Variants in WRN observed in about 807,000 individuals in gnomAD.
The protein encoded by WRN is WRN RecQ like helicase, also known as bifunctional 3'-5' exonuclease/ATP-dependent helicase WRN.
Under a neutral mutation model 180.7 loss-of-function variants are expected in WRN, and 149 were observed. The observed-to-expected ratio is 0.82, with a 90% CI of 0.72 to 0.94. The LOEUF is 0.94. Ranked by LOEUF, WRN falls within the 40% of genes least tolerant of loss-of-function variation. WRN has a pLI of 0.00. For synonymous variants in WRN, 548 were observed against 568.9 expected (o/e 0.96, Z 0.52); for missense variants, 1,661 against 1,700.1 (o/e 0.98, Z 0.40).
intron 20 of WRN, 70 bp from the exon 21 acceptor site, chr8:31,120,173 A>G (rs566187118): frequency 1.3e-6 from 2 of 1,575,974 alleles, no homozygotes; most frequent in African/African-American, 1.3e-5. Flanking sequence ...TATTCTTACA[A>G]AAAGGTATAA....
At chr8:31,138,431 C>T (rs1353799506) in intron 24 of WRN, among the ~76,000 whole-genome samples, 1 of 151,958 alleles carries the variant, frequency 6.6e-6, no homozygotes, top group African/African-American at 2.4e-5. Context: ...ATATTGTTAA[C>T]CATTTTTTTG....
chr8:31,113,816 T>C (rs1801413633), intron 19 of WRN, among the ~76,000 whole-genome samples: 1 of 147,796 alleles, frequency 6.8e-6, no homozygotes, highest in South Asian at 2.2e-4. Flanking sequence ...TATTATAATT[T>C]CCCCAACAGA....
chr8:31,101,464 A>G (rs1177535862), intron 18 of WRN, among the ~76,000 whole-genome samples: 4 of 152,112 alleles, frequency 2.6e-5, no homozygotes, highest in African/African-American at 9.7e-5. Context: ...TTGGTATTAG[A>G]ATTTCCCTTT....
At chr8:31,059,343 A>G (rs1211590421) in intron 3 of WRN, 78 bp downstream of exon 3, 5 of 1,178,114 alleles carry the variant, frequency 4.2e-6, no homozygotes, top group African/African-American at 1.5e-5. Flanking sequence ...TTGTGAATAT[A>G]CTGAGTTTTA....
rs1179950523 is a variant in WRN, at chr8:31,175,211, C to T, written c.*2109C>T. On this transcript the variant is annotated 3_prime_UTR_variant, in exon 35 of 35. Coordinates refer to ENST00000298139, the MANE Select transcript of WRN (RefSeq NM_000553.6). ...CAGCACTTTGGGAGGCCGAGGCGGG[C>T]GGATCACGAGATCAGGAGATCGAGA... is the stretch of plus-strand genomic sequence containing the variant. 3.3e-5 allele frequency among the ~76,000 whole-genome samples: 5 copies of T among 151,992 alleles called. No homozygotes were observed. Among genetic ancestry groups the T allele is most frequent in the African/African-American group, 9.7e-5 (4 of 41,398 alleles).
rs1060503825 is a variant in WRN at position 31,064,279 on chromosome 8, C to A, written c.210-10C>A. 7.4e-6 allele frequency: 12 copies of A among 1,613,488 alleles called. No individual in the cohort carries two copies. Among genetic ancestry groups the A allele is most frequent in the African/African-American group, 1.3e-5 (1 of 74,892 alleles). ...ACATAAATTAATTTACACTATTTTT[C>A]TCACTTTAGCATGAGTCTATCAGAT... On this transcript the variant is annotated splice_polypyrimidine_tract_variant and intron_variant, in intron 3 of 34. Coordinates refer to ENST00000298139, the MANE Select transcript of WRN (RefSeq NM_000553.6).
intron 30 of WRN, among the ~76,000 whole-genome samples, chr8:31,149,191 A>T (rs1802992056): frequency 6.6e-6 from 1 of 151,866 alleles, no homozygotes; most frequent in Non-Finnish European, 1.5e-5. Context: ...AGGTTAGGAG[A>T]TCGAGGCCAT....
rs61751045 is a variant in WRN, at chr8:31,173,083, G to A, written c.4280G>A (p.Arg1427Lys). The stretch of plus-strand genomic sequence containing the variant: ...AAGAAATTAATGGACAAAACGAAAA[G>A]GGGAGGTCTTTTTAGTTAAGCTGGC... Reference protein sequence around the residue: ...TSKKLMDKTKRGGLFS With the variant: ...TSKKLMDKTKKGGLFS The change falls in exon 35 of 35, where the codon AGG becomes AAG. Residue 1427 changes from arginine (R) to lysine (K), a missense_variant. By Grantham distance (26) the Arg-to-Lys change is conservative (BLOSUM62 2). This residue lies in a region of WRN where 1,141 missense variants were observed against 1,149.4 expected (regional missense o/e 0.99). Transcript: ENST00000298139. 1.2e-6 allele frequency: 2 copies of A among 1,613,944 alleles called. No individual in the cohort carries two copies. The highest frequency in any genetic ancestry group is 2.2e-5 in the East Asian group (1 of 44,838).
chr8:31,095,947 A>G (rs1813949116), intron 16 of WRN, among the ~76,000 whole-genome samples: 1 of 152,206 alleles, frequency 6.6e-6, no homozygotes, highest in African/African-American at 2.4e-5. Context: ...TTGAATCTAG[A>G]TATCGAAACA....
chr8:31,129,383 T>C (rs1802056461), intron 23 of WRN, among the ~76,000 whole-genome samples: 1 of 152,220 alleles, frequency 6.6e-6, no homozygotes. Flanking sequence ...AAGCCTATCA[T>C]GGCCTATAAA....
intron 21 of WRN, among the ~76,000 whole-genome samples, chr8:31,122,079 G>A (rs566796975): frequency 1.3e-5 from 2 of 151,636 alleles, no homozygotes; most frequent in African/African-American, 2.4e-5. Flanking sequence ...TGTTTCTCTG[G>A]GTCTTAAAAG....
chr8:31,041,668 G>A (rs1811661792), intron 1 of WRN, among the ~76,000 whole-genome samples: 1 of 152,164 alleles, frequency 6.6e-6, no homozygotes, highest in Admixed American at 6.5e-5. Context: ...GATCGGTGGA[G>A]GAGATATGAA....
At chr8:31,128,775 T>C (rs1039311558) in intron 23 of WRN, among the ~76,000 whole-genome samples, 1 of 152,062 alleles carries the variant, frequency 6.6e-6, no homozygotes, top group East Asian at 1.9e-4. Context: ...AGGAGAATGG[T>C]GTGAACCCAG....
chr8:31,118,328 G>A (rs114165944), intron 20 of WRN, among the ~76,000 whole-genome samples: 1,912 of 152,042 alleles, frequency 0.013, 43 homozygotes, highest in African/African-American at 0.044. Context: ...AATTGATATG[G>A]TTTTTTCTCC....
chr8:31,061,678 A>T (rs1812489608), intron 3 of WRN, among the ~76,000 whole-genome samples: 1 of 152,132 alleles, frequency 6.6e-6, no homozygotes, highest in Non-Finnish European at 1.5e-5. Flanking sequence ...TGATCAGGGA[A>T]AGTCTACGTT....
Position 31,080,979 on chromosome 8 carries a change from T to A in WRN, c.952T>A (p.Leu318Ile). 1 of 1,614,030 alleles carries A rather than the reference T, an allele frequency of 6.2e-7. No individual in the cohort carries two copies. The highest frequency in any genetic ancestry group is 1.3e-5 in the African/African-American group (1 of 75,036). The change falls in exon 9 of 35, where the codon TTA becomes ATA. Residue 318 changes from leucine (L) to isoleucine (I), a missense_variant. Leu to Ile is a conservative substitution (Grantham distance 5, BLOSUM62 2). Coordinates refer to ENST00000298139, the MANE Select transcript of WRN (RefSeq NM_000553.6). ...GAGGCCCAGCAATAATTTAAACTTA[T>A]TATCCTTTGAAGATTCAACTACTGG... is the stretch of plus-strand genomic sequence containing the variant. ...ELRPSNNLNLLSFEDSTTGGV... is the reference protein window; with the variant it reads ...ELRPSNNLNLISFEDSTTGGV...
Position 31,064,901 on chromosome 8 carries a change from A to G in WRN, c.356-14A>G, listed in dbSNP as rs1563329834. The G allele has an allele frequency of 6.2e-7, 1 of 1,613,184 alleles. No homozygotes were observed. The highest frequency in any genetic ancestry group is 8.5e-7 in the Non-Finnish European group (1 of 1,179,492). On this transcript the variant is annotated splice_polypyrimidine_tract_variant and intron_variant, in intron 4 of 34. Coordinates refer to ENST00000298139, the MANE Select transcript of WRN (RefSeq NM_000553.6). ...CTTGACAGAACTTATGGAAATAACA[A>G]GAAAATGTTACAGTTTTTCCCCAGG...
intron 30 of WRN, 115 bp downstream of exon 30, chr8:31,147,591 T>C: frequency 1.1e-6 from 1 of 948,212 alleles, no homozygotes; most frequent in Non-Finnish European, 1.7e-6. Context: ...GGGAGGTGAC[T>C]CAGATTCCCC....
intron 5 of WRN, among the ~76,000 whole-genome samples, chr8:31,065,699 C>G (rs1243659706): frequency 1.3e-5 from 2 of 152,052 alleles, no homozygotes; most frequent in Non-Finnish European, 2.9e-5. Flanking sequence ...CTGCAGTGAA[C>G]ATATGCGTGC....
Sources: gnomAD v4.1 joint callset for allele counts (sites outside exome capture counted in the v4.1 genomes callset) on GRCh38, gnomAD v4.1.1 for gene constraint, gnomAD v4.1.1 regional missense constraint, MANE v1.5 for transcripts, NCBI Gene and HGNC (gene_info 2026-07-23, HGNC 2026-07-21) for gene names.